Variants in UXS1 observed in about 807,000 individuals in gnomAD.
The protein encoded by UXS1 is UDP-glucuronate decarboxylase 1.
In UXS1, 33 loss-of-function variants were observed where a neutral mutation model predicts 62.6. That is an observed-to-expected ratio of 0.53 (90% CI 0.40 to 0.70). The LOEUF is 0.70. Among genes scored for constraint, UXS1 ranks in the 30% least tolerant of loss-of-function variants. UXS1 has a pLI of 0.00. For synonymous variants in UXS1, 213 were observed against 206.8 expected (o/e 1.03, Z -0.26); for missense variants, 434 against 556.3 (o/e 0.78, Z 2.21).
At chr2:106,129,859 T>C in intron 6 of UXS1, 81 bp from the exon 7 acceptor site, 2 of 775,624 alleles carry the variant, frequency 2.6e-6, no homozygotes, top group East Asian at 5.6e-5. Context: ...TACTGTATAA[T>C]AAACGTATTA....
At chr2:106,182,645 C>T (rs939484442) in intron 1 of UXS1, among the ~76,000 whole-genome samples, 1 of 152,190 alleles carries the variant, frequency 6.6e-6, no homozygotes, top group African/African-American at 2.4e-5. Context: ...TCAGCCACCA[C>T]AGCTGTGCCC....
rs181418453 is a variant in UXS1, at chr2:106,145,142, G to A, written c.472+48C>T. On this transcript the variant is annotated intron_variant, in intron 6 of 14. Transcript: ENST00000283148. ...CTCAGGAATCCCGCAGCTCTGGCAAGGCCACCTGCGGAGCTCTGAATAATA... is the reference window on the plus strand; with the variant it reads ...CTCAGGAATCCCGCAGCTCTGGCAAAGCCACCTGCGGAGCTCTGAATAATA... 1.6e-5 allele frequency: 25 copies of A among 1,575,118 alleles called. No individual in the cohort carries two copies. In the African/African-American group the frequency reaches 3.1e-4, roughly 20 times the overall value.
At chr2:106,172,658 T>C (rs1396958615) in intron 1 of UXS1, among the ~76,000 whole-genome samples, 2 of 152,124 alleles carry the variant, frequency 1.3e-5, no homozygotes, top group Admixed American at 1.3e-4. Context: ...GGTCTGTACT[T>C]CAGACCTGCT....
intron 4 of UXS1, among the ~76,000 whole-genome samples, chr2:106,158,631 C>G (rs1042939896): frequency 5.9e-5 from 9 of 152,128 alleles, no homozygotes; most frequent in Admixed American, 2.0e-4. Flanking sequence ...AACTGACCCC[C>G]CTCCTTGTTT....
At position 106,094,030 on chromosome 2, in the gene UXS1, C is replaced by T. The variant is rs1425813351; in HGVS notation, c.1274G>A (p.Ser425Asn). ...ARIKKGRTRH[S>N] ...TGTGTCCTAAAAGTGAGGAGTTCAG[C>T]TGTGGCGAGTCCGTCCTTTCTTTAT... The change falls in exon 15 of 15, where the codon AGC becomes AAC. Residue 425 changes from serine to asparagine, a missense_variant. Ser to Asn is a conservative substitution (Grantham distance 46). This residue lies in a region of UXS1 where 209 missense variants were observed against 233.3 expected (regional missense o/e 0.90). Coordinates refer to ENST00000283148, the MANE Select transcript of UXS1 (RefSeq NM_001253875.2). 1 of 1,611,632 alleles carries T rather than the reference C, an allele frequency of 6.2e-7. No individual in the cohort carries two copies.
At chr2:106,122,035 T>C (rs981718429) in intron 9 of UXS1, among the ~76,000 whole-genome samples, 6 of 152,228 alleles carry the variant, frequency 3.9e-5, no homozygotes, top group African/African-American at 1.4e-4. Flanking sequence ...GCCATGCTGA[T>C]GACACTTGCC....
chr2:106,156,655 C>G (rs1682452772), intron 5 of UXS1, among the ~76,000 whole-genome samples: 1 of 152,172 alleles, frequency 6.6e-6, no homozygotes, highest in Non-Finnish European at 1.5e-5. Flanking sequence ...ACACATCCGC[C>G]TGTATACTTT....
chr2:106,157,956 C>T, intron 5 of UXS1, 102 bp downstream of exon 5: 2 of 1,039,534 alleles, frequency 1.9e-6, no homozygotes, highest in Non-Finnish European at 2.8e-6. Context: ...GCCACTGAAT[C>T]GTATCTTTGA....
intron 11 of UXS1, chr2:106,102,413 A>G (rs1336972130): frequency 6.6e-6 from 1 of 152,240 alleles, no homozygotes; most frequent in African/African-American, 2.4e-5. Context: ...AGTCATCCTC[A>G]GTGGGGCAGA....
At chr2:106,190,141 C>T (rs994318421) in intron 1 of UXS1, among the ~76,000 whole-genome samples, 1 of 152,192 alleles carries the variant, frequency 6.6e-6, no homozygotes, top group Non-Finnish European at 1.5e-5. Context: ...TTGGATCTGT[C>T]ATACTACATA....
At chr2:106,160,804 C>T (rs989588768) in intron 4 of UXS1, among the ~76,000 whole-genome samples, 2 of 152,286 alleles carry the variant, frequency 1.3e-5, no homozygotes, top group South Asian at 2.1e-4. Context: ...TCAAATGCAG[C>T]GTGCTGAAAC....
Position 106,163,112 on chromosome 2 carries a change from C to A in UXS1, c.230+555G>T, listed in dbSNP as rs976321527. ...GGCCTCGGGAGTGCCTGAGAGAGAA[C>A]CTGAGGGCAATAGTGTCCCAAAGGG... is the stretch of plus-strand genomic sequence containing the variant. On this transcript the variant is annotated intron_variant, in intron 4 of 14. Coordinates refer to ENST00000283148, the MANE Select transcript of UXS1 (RefSeq NM_001253875.2). 2.6e-5 allele frequency among the ~76,000 whole-genome samples: 4 copies of A among 152,182 alleles called. No individual in the cohort carries two copies. The South Asian group carries it at 8.3e-4, about 31-fold the overall frequency.
intron 1 of UXS1, among the ~76,000 whole-genome samples, chr2:106,173,598 A>G (rs1573565291): frequency 6.6e-6 from 1 of 152,322 alleles, no homozygotes; most frequent in Non-Finnish European, 1.5e-5. Context: ...AAAGAGCCAG[A>G]ATAGCAAATA....
chr2:106,178,326 C>T (rs1329580223), intron 1 of UXS1, among the ~76,000 whole-genome samples: 4 of 152,202 alleles, frequency 2.6e-5, no homozygotes, highest in Admixed American at 6.5e-5. Context: ...TCTGGTCACC[C>T]GCTTCCAATT....
chr2:106,139,345 C>T (rs961069984), intron 6 of UXS1, among the ~76,000 whole-genome samples: 1 of 152,184 alleles, frequency 6.6e-6, no homozygotes. Context: ...AGCAGCATTC[C>T]TACCAGAGAG....
At chr2:106,104,680 G>T in intron 11 of UXS1, 114 bp downstream of exon 11, 1 of 1,313,344 alleles carries the variant, frequency 7.6e-7, no homozygotes. Flanking sequence ...TCAATATATA[G>T]TGTTAGCGTT....
At chr2:106,184,785 C>T (rs1684459557) in intron 1 of UXS1, among the ~76,000 whole-genome samples, 1 of 152,192 alleles carries the variant, frequency 6.6e-6, no homozygotes, top group Admixed American at 6.5e-5. Flanking sequence ...ATTCAGATCA[C>T]AGCACTGGCC....
chr2:106,189,785 G>T (rs1558764796), intron 1 of UXS1, among the ~76,000 whole-genome samples: 1 of 152,198 alleles, frequency 6.6e-6, no homozygotes, highest in Non-Finnish European at 1.5e-5. Context: ...AATTCTAAAG[G>T]AACTTTTTTT....
intron 5 of UXS1, among the ~76,000 whole-genome samples, chr2:106,147,626 C>A (rs1207129522): frequency 1.3e-5 from 2 of 152,174 alleles, no homozygotes; most frequent in African/African-American, 4.8e-5. Context: ...CCCGCCTATA[C>A]CTGTGAGCCC....
Sources: gnomAD v4.1 joint callset for allele counts (sites outside exome capture counted in the v4.1 genomes callset) on GRCh38, gnomAD v4.1.1 for gene constraint, gnomAD v4.1.1 regional missense constraint, MANE v1.5 for transcripts, NCBI Gene and HGNC (gene_info 2026-07-23, HGNC 2026-07-21) for gene names.